The following CAMK1D variants were observed in gnomAD, a reference collection of about 807,000 sequenced individuals.
CAMK1D encodes the protein calcium/calmodulin-dependent protein kinase type 1D.
CAMK1D carries 9 observed loss-of-function variants against 47.7 expected under a neutral mutation model. That is an observed-to-expected ratio of 0.19 (90% CI 0.11 to 0.33). The LOEUF (loss-of-function observed/expected upper bound fraction) is 0.33. Ranked by LOEUF, CAMK1D falls within the 10% of genes least tolerant of loss-of-function variation. The probability of loss-of-function intolerance (pLI) is 1.00; values close to 1 mark genes in which losing one functional copy is unlikely to be tolerated. For synonymous variants in CAMK1D, 184 were observed against 184.9 expected (o/e 0.99, Z 0.04); for missense variants, 291 against 488.7 (o/e 0.60, Z 3.81).
intron 1 of CAMK1D, among the ~76,000 whole-genome samples, chr10:12,360,790 T>C (rs957193454): frequency 6.6e-6 from 1 of 152,140 alleles, no homozygotes; most frequent in African/African-American, 2.4e-5. Context: ...CTACATCAAC[T>C]ATTGCCAAAT....
At chr10:12,643,043 C>T (rs1465838351) in intron 2 of CAMK1D, among the ~76,000 whole-genome samples, 2 of 152,038 alleles carry the variant, frequency 1.3e-5, no homozygotes, top group African/African-American at 2.4e-5. Flanking sequence ...ACTCTGTTTC[C>T]TGGGCTGGAG....
At chr10:12,656,457 G>A (rs1325220098) in intron 2 of CAMK1D, among the ~76,000 whole-genome samples, 2 of 151,956 alleles carry the variant, frequency 1.3e-5, no homozygotes, top group African/African-American at 2.4e-5. Flanking sequence ...ACACCACTGC[G>A]CTCCAGCCTG....
At chr10:12,551,045 G>A (rs543251753) in intron 1 of CAMK1D, among the ~76,000 whole-genome samples, 1 of 152,342 alleles carries the variant, frequency 6.6e-6, no homozygotes, top group East Asian at 1.9e-4. Context: ...CTCTTTGACA[G>A]TGACTAAAGT....
intron 1 of CAMK1D, among the ~76,000 whole-genome samples, chr10:12,376,617 GC>G (rs1476989810): frequency 1.3e-5 from 2 of 152,148 alleles, no homozygotes; most frequent in Non-Finnish European, 2.9e-5. Flanking sequence ...TGGAGGCCTT[GC>G]CTGGAGCCTG....
chr10:12,616,215 C>G (rs1189046572), intron 2 of CAMK1D, among the ~76,000 whole-genome samples: 2 of 151,956 alleles, frequency 1.3e-5, no homozygotes, highest in African/African-American at 4.8e-5. Flanking sequence ...ATATGGCTAA[C>G]GGTAAGGAAA....
Position 12,643,612 on chromosome 10 carries a change from G to C in CAMK1D, c.225-23124G>C, listed in dbSNP as rs116652667. ...GACTCTAATGTGTGGGGCTAGGTGC[G>C]GTGGCTCACGTATGTAATCCCAGCA... On this transcript the variant is annotated intron_variant, in intron 2 of 10. Transcript: ENST00000619168. Among the ~76,000 whole-genome samples the C allele has an allele frequency of 8.9e-3, 1,353 of 152,180 alleles. 24 individuals carry two copies. The highest frequency in any genetic ancestry group is 0.031 in the African/African-American group (1,275 of 41,522).
chr10:12,558,074 A>G (rs1442521566), intron 2 of CAMK1D, among the ~76,000 whole-genome samples: 3 of 152,272 alleles, frequency 2.0e-5, no homozygotes, highest in Non-Finnish European at 4.4e-5. Flanking sequence ...TTGCTCTGGC[A>G]TCAGCGGCTG....
intron 3 of CAMK1D, chr10:12,725,311 A>C (rs1834572214): frequency 6.4e-6 from 1 of 155,754 alleles, no homozygotes; most frequent in Non-Finnish European, 1.5e-5. Context: ...AAAAATGAAA[A>C]GTAATGGCAA....
chr10:12,766,022 A>G (rs1047930527), intron 4 of CAMK1D, among the ~76,000 whole-genome samples: 2 of 141,166 alleles, frequency 1.4e-5, no homozygotes, highest in Middle Eastern at 4.2e-3. Context: ...CTGGAGTGCA[A>G]TGGCGCAATC....
At chr10:12,686,569 C>T (rs974266730) in intron 3 of CAMK1D, among the ~76,000 whole-genome samples, 4 of 152,072 alleles carry the variant, frequency 2.6e-5, no homozygotes, top group African/African-American at 9.7e-5. Context: ...AATGATCCAC[C>T]CACCTCGGCC....
intron 2 of CAMK1D, among the ~76,000 whole-genome samples, chr10:12,564,157 C>A: frequency 7.9e-6 from 1 of 126,286 alleles, no homozygotes; most frequent in South Asian, 2.8e-4. Context: ...GTCTCTCTCT[C>A]TCTCTCTCTC....
intron 1 of CAMK1D, among the ~76,000 whole-genome samples, chr10:12,422,115 C>G (rs187975790): frequency 6.6e-6 from 1 of 152,004 alleles, no homozygotes; most frequent in Non-Finnish European, 1.5e-5. Flanking sequence ...AGTCTTGGGA[C>G]ACTTTTTGAT....
intron 1 of CAMK1D, among the ~76,000 whole-genome samples, chr10:12,476,919 G>A (rs1478810921): frequency 6.6e-6 from 1 of 152,132 alleles, no homozygotes; most frequent in East Asian, 1.9e-4. Context: ...CACAGTTAGA[G>A]GAGTGGCTGT....
At chr10:12,749,570 G>GTTTT (rs1334614122) in intron 3 of CAMK1D, among the ~76,000 whole-genome samples, 6 of 119,342 alleles carry the variant, frequency 5.0e-5, no homozygotes, top group African/African-American at 2.1e-4. Context: ...TTGTTTGTTT[G>GTTTT]TTTGTTTTGA....
chr10:12,368,455 G>A (rs74392905), intron 1 of CAMK1D, among the ~76,000 whole-genome samples: 13,725 of 152,062 alleles, frequency 0.09, 816 homozygotes, highest in East Asian at 0.25. Context: ...AAGGAAAGGA[G>A]CATAGGCTTT....
intron 6 of CAMK1D, among the ~76,000 whole-genome samples, chr10:12,807,645 C>T (rs181773141): frequency 2.6e-4 from 39 of 152,308 alleles, no homozygotes; most frequent in African/African-American, 8.2e-4. Flanking sequence ...CAGGCCACCC[C>T]GGCTACCTGC....
Position 12,829,893 on chromosome 10 carries a change from T to A in CAMK1D, c.*1006T>A, listed in dbSNP as rs1833389818. 6.6e-6 allele frequency: 1 copy of A among 152,114 alleles called. No homozygotes were observed. The highest frequency in any genetic ancestry group is 6.6e-5 in the Admixed American group (1 of 15,254). The allele number at this position is 152,114 out of a possible 1,614,324, so 9.4% of individuals were successfully genotyped here. On this transcript the variant is annotated 3_prime_UTR_variant, in exon 11 of 11. Transcript: ENST00000619168. ...CTCTGCGGGGGACTTTGGTAGAGAA[T>A]CTGCACAGAGCCTTTGCTGGCAACC... is the stretch of plus-strand genomic sequence containing the variant.
At chr10:12,720,252 C>G (rs1023630218) in intron 3 of CAMK1D, among the ~76,000 whole-genome samples, 74 of 152,188 alleles carry the variant, frequency 4.9e-4, no homozygotes, top group African/African-American at 1.7e-3. Flanking sequence ...TAAAAGAACC[C>G]AGCCTGGTCC....
intron 3 of CAMK1D, among the ~76,000 whole-genome samples, chr10:12,686,880 A>G (rs1832687736): frequency 6.6e-6 from 1 of 152,184 alleles, no homozygotes; most frequent in Non-Finnish European, 1.5e-5. Context: ...TATAAAAATC[A>G]CTTCCCAGAT....
Sources: gnomAD v4.1 joint callset for allele counts (sites outside exome capture counted in the v4.1 genomes callset) on GRCh38, gnomAD v4.1.1 for gene constraint, MANE v1.5 for transcripts, NCBI Gene and HGNC (gene_info 2026-07-23, HGNC 2026-07-21) for gene names.